Variants in SGCZ observed in about 807,000 individuals in gnomAD.
The protein encoded by SGCZ is zeta-sarcoglycan.
SGCZ carries 40 observed loss-of-function variants against 41.3 expected under a neutral mutation model. The ratio of observed to expected loss-of-function variants is 0.97; its 90% CI spans 0.75 to 1.26. SGCZ has a LOEUF of 1.26. Among genes scored for constraint, SGCZ ranks in the 50% most tolerant of loss-of-function variants. SGCZ has a pLI of 0.00. For missense variants in SGCZ, 552 were observed against 369.8 expected (o/e 1.49, Z -4.04); for synonymous variants, 206 against 137.5 (o/e 1.50, Z -3.49).
intron 2 of SGCZ, among the ~76,000 whole-genome samples, chr8:14,376,170 G>A (rs1585423010): frequency 6.6e-6 from 1 of 151,908 alleles, no homozygotes; most frequent in East Asian, 1.9e-4. Flanking sequence ...AATTAGCCGG[G>A]CATGGTGGCG....
intron 5 of SGCZ, among the ~76,000 whole-genome samples, chr8:14,154,141 C>T (rs10086068): frequency 0.13 from 19,771 of 151,930 alleles, 1,476 homozygotes; most frequent in Middle Eastern, 0.25. Flanking sequence ...GAGGCCGAGG[C>T]GGGTGGATCA....
At chr8:14,557,698 G>A (rs886864843) in intron 1 of SGCZ, among the ~76,000 whole-genome samples, 7 of 151,818 alleles carry the variant, frequency 4.6e-5, no homozygotes, top group Admixed American at 2.6e-4. Context: ...TCCCTACTTC[G>A]TGTTTTTGTT....
At chr8:15,037,975 A>G (rs1803931048) in intron 1 of SGCZ, among the ~76,000 whole-genome samples, 1 of 152,156 alleles carries the variant, frequency 6.6e-6, no homozygotes, top group African/African-American at 2.4e-5. Flanking sequence ...CAAACATATA[A>G]AAGATTCATG....
intron 2 of SGCZ, among the ~76,000 whole-genome samples, chr8:14,444,274 A>G (rs550725796): frequency 1.4e-3 from 220 of 152,282 alleles, no homozygotes; most frequent in African/African-American, 5.1e-3. Flanking sequence ...GGGATCTAGA[A>G]CTAGAAATAC....
rs1262859217 is a variant in SGCZ, at chr8:15,237,607, T to C, written c.17A>G (p.Asn6Ser). Reference protein sequence around the residue: MDRSTNLDIEELKMTR... With the variant: MDRSTSLDIEELKMTR... ...TACCTTGAGCTCCTCAATGTCCAGGTTCGTTGATCTGTCCATGGAGCGCAA... is the reference window on the plus strand; with the variant it reads ...TACCTTGAGCTCCTCAATGTCCAGGCTCGTTGATCTGTCCATGGAGCGCAA... The change falls in exon 1 of 8, where the codon AAC (asparagine) becomes AGC (serine). Residue 6 changes from asparagine (N) to serine (S), a missense_variant. Asn to Ser is a conservative substitution (Grantham distance 46). Transcript: ENST00000382080. 1 of 1,589,716 alleles carries C rather than the reference T, an allele frequency of 6.3e-7. No individual in the cohort carries two copies. The highest frequency in any genetic ancestry group is 1.1e-5 in the South Asian group (1 of 87,730).
Position 14,101,509 on chromosome 8 carries a change from A to G in SGCZ, c.744+867T>C, listed in dbSNP as rs573710373. On this transcript the variant is annotated intron_variant, in intron 7 of 7. Transcript: ENST00000382080. ...TTTATAGTGGAAAAATAGAACATCA[A>G]TGACAAAGTATTATTTAAAGCAGAC... Among the ~76,000 whole-genome samples, 4 of 152,366 alleles carry G rather than the reference A, an allele frequency of 2.6e-5. No individual in the cohort carries two copies. In the East Asian group the frequency reaches 5.8e-4, roughly 22 times the overall value.
chr8:14,149,560 T>C (rs1053112260), intron 5 of SGCZ, among the ~76,000 whole-genome samples: 2 of 151,304 alleles, frequency 1.3e-5, no homozygotes, highest in African/African-American at 2.4e-5. Flanking sequence ...TGTATATGGA[T>C]CGGAAGAATC....
rs74431346 is a variant in SGCZ, at chr8:14,579,137, G to C, written c.40-24211C>G. Among the ~76,000 whole-genome samples the C allele has an allele frequency of 4.3e-3, 650 of 152,122 alleles. 7 individuals are homozygous for C. The highest frequency in any genetic ancestry group is 0.015 in the African/African-American group (621 of 41,520). ...CAACAGAAAGAGAAAATAAAGTATT[G>C]AGATCTTAGGCCCATTTCTCATTTT... On this transcript the variant is annotated intron_variant, in intron 1 of 7. Transcript: ENST00000382080.
intron 1 of SGCZ, among the ~76,000 whole-genome samples, chr8:14,946,920 C>T (rs1800469338): frequency 6.6e-6 from 1 of 152,020 alleles, no homozygotes; most frequent in Non-Finnish European, 1.5e-5. Context: ...ATGATCCGCC[C>T]GCCTCGGCCT....
intron 1 of SGCZ, among the ~76,000 whole-genome samples, chr8:14,861,112 T>C (rs957832439): frequency 5.3e-5 from 8 of 152,202 alleles, no homozygotes; most frequent in Non-Finnish European, 1.2e-4. Context: ...GTGAATGTGT[T>C]ACGTCTGTGA....
intron 1 of SGCZ, among the ~76,000 whole-genome samples, chr8:14,907,762 T>C (rs1309129953): frequency 6.6e-6 from 1 of 152,176 alleles, no homozygotes; most frequent in Non-Finnish European, 1.5e-5. Flanking sequence ...ATAAGCTACA[T>C]GCACAGAAAT....
chr8:14,937,306 A>G (rs1800115346), intron 1 of SGCZ, among the ~76,000 whole-genome samples: 2 of 152,062 alleles, frequency 1.3e-5, no homozygotes, highest in African/African-American at 2.4e-5. Context: ...CATAAAAAAG[A>G]TAACTCACCA....
At chr8:15,084,792 C>G (rs1286237056) in intron 1 of SGCZ, among the ~76,000 whole-genome samples, 1 of 152,048 alleles carries the variant, frequency 6.6e-6, no homozygotes, top group Non-Finnish European at 1.5e-5. Context: ...AAATCAGGAT[C>G]CTATGTCTAG....
intron 4 of SGCZ, among the ~76,000 whole-genome samples, chr8:14,198,454 G>A (rs59105600): frequency 6.6e-6 from 1 of 151,928 alleles, no homozygotes; most frequent in Non-Finnish European, 1.5e-5. Flanking sequence ...GGGAAGAAAG[G>A]AGAGAGCCAA....
intron 1 of SGCZ, among the ~76,000 whole-genome samples, chr8:14,629,664 A>T (rs79574288): frequency 6.6e-5 from 10 of 152,260 alleles, no homozygotes; most frequent in African/African-American, 7.2e-5. Context: ...TATTTGTCCA[A>T]AGGTGAATCC....
chr8:14,540,128 T>C (rs1410472210), intron 2 of SGCZ, among the ~76,000 whole-genome samples: 3 of 151,876 alleles, frequency 2.0e-5, no homozygotes, highest in African/African-American at 7.2e-5. Flanking sequence ...TTTGTGTATG[T>C]ATACTATGAC....
At chr8:14,136,440 C>T (rs1803201023) in intron 5 of SGCZ, among the ~76,000 whole-genome samples, 1 of 152,118 alleles carries the variant, frequency 6.6e-6, no homozygotes, top group African/African-American at 2.4e-5. Flanking sequence ...TTGGGACACT[C>T]CTGCCCTAAT....
intron 4 of SGCZ, among the ~76,000 whole-genome samples, chr8:14,186,271 T>C (rs975705983): frequency 1.2e-4 from 18 of 152,326 alleles, no homozygotes; most frequent in African/African-American, 4.1e-4. Context: ...TGAAGAAATA[T>C]TTATTGAAGA....
chr8:15,237,555 G>A (rs544946626), intron 1 of SGCZ, 30 bp downstream of exon 1: 5 of 1,582,736 alleles, frequency 3.2e-6, no homozygotes, highest in East Asian at 4.6e-5. Flanking sequence ...CCGAGAAGCG[G>A]CCGCGAAGCC....
Sources: allele counts gnomAD v4.1 joint callset (sites outside exome capture counted in the v4.1 genomes callset), GRCh38; gene constraint gnomAD v4.1.1; transcripts MANE v1.5; gene names NCBI Gene and HGNC (gene_info 2026-07-23, HGNC 2026-07-21).